IGF1: variants seen among roughly 807,000 people sequenced by gnomAD.
IGF1 encodes the protein insulin like growth factor 1.
A neutral mutation model predicts 13.8 loss-of-function variants in IGF1; 4 were observed. The observed-to-expected ratio is 0.29, with a 90% confidence interval of 0.14 to 0.66. The LOEUF (loss-of-function observed/expected upper bound fraction) is 0.66, where lower values mean the gene tolerates loss of function less well. IGF1 is among the 30% of genes least tolerant of loss of function. The pLI is 0.78. For missense variants in IGF1, 124 were observed against 188.5 expected (o/e 0.66, Z 2.00); for synonymous variants, 76 against 72.6 (o/e 1.05, Z -0.23).
intron 2 of IGF1, among the ~76,000 whole-genome samples, chr12:102,473,741 CAGAATA>C (rs1338721866): frequency 6.6e-6 from 1 of 152,160 alleles, no homozygotes; most frequent in Admixed American, 6.5e-5. Flanking sequence ...GTTGCAGTAA[CAGAATA>C]AGAGAACCTG....
intron 2 of IGF1, among the ~76,000 whole-genome samples, chr12:102,425,074 G>A (rs1342684158): frequency 6.6e-6 from 1 of 152,148 alleles, no homozygotes; most frequent in Non-Finnish European, 1.5e-5. Context: ...GGAATTAAGT[G>A]AATTACTGTA....
At chr12:102,417,719 A>G in intron 3 of IGF1, 1 of 1,554,212 alleles carries the variant, frequency 6.4e-7, no homozygotes, top group Non-Finnish European at 8.6e-7. Context: ...CAGCAGGCCT[A>G]CTTTTCTTCA....
At chr12:102,470,996 C>G (rs1361156603) in intron 2 of IGF1, among the ~76,000 whole-genome samples, 2 of 152,178 alleles carry the variant, frequency 1.3e-5, no homozygotes, top group Non-Finnish European at 2.9e-5. Context: ...AAATGACAGT[C>G]TGTTTTCATG....
At chr12:102,413,708 A>G (rs979909748) in intron 3 of IGF1, among the ~76,000 whole-genome samples, 1 of 152,202 alleles carries the variant, frequency 6.6e-6, no homozygotes, top group African/African-American at 2.4e-5. Context: ...ACTGGAGTTC[A>G]TACTACAATT....
chr12:102,409,959 A>T (rs551367625), intron 3 of IGF1, among the ~76,000 whole-genome samples: 1 of 152,232 alleles, frequency 6.6e-6, no homozygotes, highest in South Asian at 2.1e-4. Flanking sequence ...GTGGGGAAAC[A>T]GTAGCTAGCT....
In IGF1 at chr12:102,475,794, C is replaced by T; in HGVS notation, c.69G>A (p.Lys23=). ...KCCFCDFLKV[K]MHTMSSSHLF... ...GATGCGAGGAGGACATGGTGTGCATCTTCACCTGCCCAAGAAACAGAGGGA... is the reference window on the plus strand; with the variant it reads ...GATGCGAGGAGGACATGGTGTGCATTTTCACCTGCCCAAGAAACAGAGGGA... Residue 23 remains lysine (K), a synonymous_variant, in exon 2 of 4, where the codon AAG becomes AAA. Transcript: ENST00000337514. The T allele has an allele frequency of 6.2e-7, 1 of 1,612,740 alleles. No individual in the cohort carries two copies. Among genetic ancestry groups the T allele is most frequent in the South Asian group, 1.1e-5 (1 of 90,830 alleles).
chr12:102,428,191 A>AAT (rs2137035103), intron 2 of IGF1, among the ~76,000 whole-genome samples: 2 of 129,488 alleles, frequency 1.5e-5, no homozygotes, highest in South Asian at 5.0e-4. Context: ...GATGACCCTA[A>AAT]ATATCCAGAT....
Position 102,475,659 on chromosome 12 carries a change from G to A in IGF1, c.204C>T (p.Asp68=). ...GCTACTTACTGAAATAAAAGCCCCT[G>A]TCTCCACACACGAACTGAAGAGCAT... ...LVDALQFVCG[D]RGFYFNKPTG... Residue 68 remains aspartate, a synonymous_variant, in exon 2 of 4, where the codon GAC becomes GAT. Transcript: ENST00000337514. The A allele has an allele frequency of 6.2e-7, 1 of 1,614,214 alleles. No homozygotes were observed. Among genetic ancestry groups the A allele is most frequent in the Non-Finnish European group, 8.5e-7 (1 of 1,180,046 alleles).
intron 3 of IGF1, among the ~76,000 whole-genome samples, chr12:102,408,054 G>A (rs1465082108): frequency 6.6e-6 from 1 of 152,124 alleles, no homozygotes; most frequent in Non-Finnish European, 1.5e-5. Flanking sequence ...GAAAAGCCTG[G>A]CACTCTATAA....
chr12:102,426,278 G>C (rs889421591), intron 2 of IGF1, among the ~76,000 whole-genome samples: 1 of 152,182 alleles, frequency 6.6e-6, no homozygotes, highest in Non-Finnish European at 1.5e-5. Flanking sequence ...ATGTAAAAAG[G>C]ATATATAAGA....
At chr12:102,441,906 GCTTCTTCTCCTTCTT>G (rs1164248260) in intron 2 of IGF1, among the ~76,000 whole-genome samples, 12 of 100,346 alleles carry the variant, frequency 1.2e-4, no homozygotes, top group African/African-American at 4.7e-4. Flanking sequence ...CTATTACACT[GCTTCTTCTCCTTCTT>G]CTTCTTCTTC....
Position 102,479,872 on chromosome 12 carries a change from T to G in IGF1, c.63+447A>C, listed in dbSNP as rs1204932066. Among the ~76,000 whole-genome samples the G allele has an allele frequency of 2.0e-5, 3 of 151,700 alleles. No individual in the cohort carries two copies. The East Asian group carries it at 5.8e-4, about 29-fold the overall frequency. ...CTTCATATATAGCATGCCTTGTAAA[T>G]AAAGTCCTGATGAGTTACACACACA... On this transcript the variant is annotated intron_variant, in intron 1 of 3. Transcript: ENST00000337514.
intron 3 of IGF1, among the ~76,000 whole-genome samples, chr12:102,403,146 G>T (rs1243963267): frequency 6.6e-6 from 1 of 152,048 alleles, no homozygotes; most frequent in African/African-American, 2.4e-5. Flanking sequence ...CTATTTTCTG[G>T]CTGTGTAAAC....
At chr12:102,441,915 C>CCCTCTTCTTCTT (rs1877797121) in intron 2 of IGF1, among the ~76,000 whole-genome samples, 1 of 122,138 alleles carries the variant, frequency 8.2e-6, no homozygotes, top group African/African-American at 3.1e-5. Flanking sequence ...TGCTTCTTCT[C>CCCTCTTCTTCTT]CTTCTTCTTC....
In IGF1 at chr12:102,475,573, C is replaced by A. The variant is rs1016494681; in HGVS notation, c.220+70G>T. 78 of 1,562,126 alleles carry A rather than the reference C, an allele frequency of 5.0e-5. 1 individual carries two copies. In the South Asian group the frequency reaches 8.7e-4, roughly 17 times the overall value. ...ACTCATTCAGTTATTCACACACTCC[C>A]TGCGGTTGTAAATCCACAGAGCTGT... On this transcript the variant is annotated intron_variant, in intron 2 of 3. Coordinates refer to ENST00000337514, the MANE Select transcript of IGF1 (RefSeq NM_000618.5).
At chr12:102,474,597 G>GT in intron 2 of IGF1, among the ~76,000 whole-genome samples, 1 of 152,190 alleles carries the variant, frequency 6.6e-6, no homozygotes, top group Admixed American at 6.5e-5. Flanking sequence ...CTTCAAGTGT[G>GT]TGAGTCATCA....
intron 2 of IGF1, among the ~76,000 whole-genome samples, chr12:102,427,857 A>G (rs1876348621): frequency 6.6e-6 from 1 of 152,030 alleles, no homozygotes. Context: ...GTGGGAGGAG[A>G]TGGTTTGGTG....
At chr12:102,448,693 A>AAAT (rs1335000564) in intron 2 of IGF1, among the ~76,000 whole-genome samples, 5 of 15,534 alleles carry the variant, frequency 3.2e-4, no homozygotes, top group African/African-American at 8.1e-4. Context: ...GTATAATAAA[A>AAAT]AAAAAAAAAA....
intron 3 of IGF1, among the ~76,000 whole-genome samples, chr12:102,412,262 A>G (rs1874709120): frequency 6.6e-6 from 1 of 152,188 alleles, no homozygotes; most frequent in African/African-American, 2.4e-5. Context: ...TTACTGAATG[A>G]TGGTTAGTTT....
Sources: allele counts gnomAD v4.1 joint callset (sites outside exome capture counted in the v4.1 genomes callset), GRCh38; gene constraint gnomAD v4.1.1; transcripts MANE v1.5; gene names NCBI Gene and HGNC (gene_info 2026-07-23, HGNC 2026-07-21).